Variants in SFXN5 observed in about 807,000 individuals in gnomAD.
SFXN5 encodes sideroflexin 5.
SFXN5 carries 43 observed loss-of-function variants against 50.2 expected under a neutral mutation model. That is an observed-to-expected ratio of 0.86 (90% CI 0.67 to 1.11). The LOEUF is 1.11. SFXN5 is among the 50% of genes least tolerant of loss of function. The pLI, the probability that SFXN5 is intolerant of heterozygous loss-of-function variation, is 0.00. For synonymous variants in SFXN5, 203 were observed against 185.8 expected (o/e 1.09, Z -0.75); for missense variants, 463 against 454.1 (o/e 1.02, Z -0.18).
Position 73,001,388 on chromosome 2 carries a change from T to C in SFXN5, c.411+137A>G, listed in dbSNP as rs989824418. The stretch of plus-strand genomic sequence containing the variant: ...GTCCTGGTTTTCCTTCAGTGGCTTC[T>C]GGGCTAGGGGTGGTGTTGGGGTGGA... On this transcript the variant is annotated intron_variant, in intron 7 of 13. Transcript: ENST00000272433. 8.5e-6 allele frequency: 7 copies of C among 824,610 alleles called. 1 individual carries two copies. The South Asian group carries it at 9.5e-5, about 11-fold the overall frequency. The allele number at this position is 824,610 out of a possible 1,614,324, so 51.1% of individuals were successfully genotyped here. A position where few individuals can be genotyped will look rare whatever the true frequency, so the allele number is the denominator to read the frequency against.
At chr2:73,061,265 G>A (rs1338577823) in intron 1 of SFXN5, among the ~76,000 whole-genome samples, 1 of 147,450 alleles carries the variant, frequency 6.8e-6, no homozygotes, top group Non-Finnish European at 1.5e-5. Context: ...CAGAGATCGC[G>A]CCACTGCACT....
intron 1 of SFXN5, among the ~76,000 whole-genome samples, chr2:73,067,775 C>T (rs1683280787): frequency 6.6e-6 from 1 of 152,182 alleles, no homozygotes; most frequent in African/African-American, 2.4e-5. Context: ...TTACTGACAA[C>T]TGTCTCCAGA....
chr2:72,989,664 G>C (rs1430091075), intron 9 of SFXN5, among the ~76,000 whole-genome samples: 2 of 152,268 alleles, frequency 1.3e-5, no homozygotes, highest in Non-Finnish European at 2.9e-5. Flanking sequence ...GCAAAGGCTG[G>C]GAGTGGGGCT....
intron 11 of SFXN5, among the ~76,000 whole-genome samples, chr2:72,970,075 G>A (rs1336025916): frequency 1.3e-5 from 2 of 152,220 alleles, no homozygotes. Flanking sequence ...GCTGAAGGAA[G>A]CCAGGGGCCA....
intron 13 of SFXN5, chr2:72,957,243 G>A: frequency 2.8e-6 from 1 of 355,512 alleles, no homozygotes; most frequent in South Asian, 2.1e-5. Flanking sequence ...TTAGACTTAA[G>A]GGGCATTAGG....
Position 72,992,034 on chromosome 2 carries a change from G to A in SFXN5, c.535-3686C>T, listed in dbSNP as rs1409423292. 1.3e-5 allele frequency among the ~76,000 whole-genome samples: 2 copies of A among 152,158 alleles called. No individual in the cohort carries two copies. Among genetic ancestry groups the A allele is most frequent in the Admixed American group, 6.5e-5 (1 of 15,274 alleles). On this transcript the variant is annotated intron_variant, in intron 9 of 13. Transcript: ENST00000272433. The surrounding 1 kb of genome is among the most constrained non-coding windows in gnomAD (Gnocchi z 4.5). Reference sequence around the variant, plus strand: ...ATTTTGCACAAGAATTTCTTATATGGCCAGCAGACAGGGCTTCTTGGAAAA... The same window carrying A: ...ATTTTGCACAAGAATTTCTTATATGACCAGCAGACAGGGCTTCTTGGAAAA...
At chr2:73,042,453 A>C (rs1342010268) in intron 2 of SFXN5, 1 of 151,976 alleles carries the variant, frequency 6.6e-6, no homozygotes, top group African/African-American at 2.4e-5. Context: ...TCTCTACTAA[A>C]AATACAAAAA....
intron 11 of SFXN5, among the ~76,000 whole-genome samples, chr2:72,971,027 G>A (rs1359447732): frequency 6.6e-6 from 1 of 152,128 alleles, no homozygotes; most frequent in African/African-American, 2.4e-5. Context: ...TAGAGTGGCT[G>A]AGCCTATGAA....
chr2:73,059,593 T>C lies in SFXN5; in HGVS notation c.103-997A>G, dbSNP rs1468860750. On this transcript the variant is annotated intron_variant, in intron 1 of 13. Coordinates refer to ENST00000272433, the MANE Select transcript of SFXN5 (RefSeq NM_144579.3). ...TCAAAGTCCCCCCACACACCAGTTC[T>C]CATCCCACCTCCATTTCTCTCCCAC... 5 of 985,140 alleles carry C rather than the reference T, an allele frequency of 5.1e-6. No individual in the cohort carries two copies. In the African/African-American group the frequency reaches 8.8e-5, roughly 17 times the overall value. 61.0% of individuals were successfully genotyped at this position (985,140 alleles called of 1,614,324 possible). A position where few individuals can be genotyped will look rare whatever the true frequency, so the allele number is the denominator to read the frequency against.
At chr2:73,040,330 T>C (rs566403795) in intron 3 of SFXN5, among the ~76,000 whole-genome samples, 42 of 152,162 alleles carry the variant, frequency 2.8e-4, no homozygotes, top group African/African-American at 9.9e-4. Context: ...TATCTCTAAT[T>C]TGAGTTCCTA....
At chr2:72,971,906 G>GT (rs1408863155) in intron 10 of SFXN5, among the ~76,000 whole-genome samples, 1 of 152,160 alleles carries the variant, frequency 6.6e-6, no homozygotes, top group Non-Finnish European at 1.5e-5. Flanking sequence ...AAAAGAACAG[G>GT]TATCAGGGAG....
chr2:72,966,806 G>A (rs1674470245), intron 12 of SFXN5, among the ~76,000 whole-genome samples: 1 of 152,216 alleles, frequency 6.6e-6, no homozygotes, highest in South Asian at 2.1e-4. Context: ...CAGGCCCACA[G>A]TGCTTCCTCT....
chr2:72,999,049 G>T (rs754405386), intron 8 of SFXN5, 35 bp from the exon 9 acceptor site: 1 of 1,610,434 alleles, frequency 6.2e-7, no homozygotes, highest in Non-Finnish European at 8.5e-7. Context: ...GGCCTGCTGG[G>T]TGCCCAAAGC....
intron 10 of SFXN5, among the ~76,000 whole-genome samples, chr2:72,979,906 A>G (rs2105510227): frequency 6.6e-6 from 1 of 152,334 alleles, no homozygotes; most frequent in South Asian, 2.1e-4. Context: ...GGAGGGATAT[A>G]TACTAAATGA....
At position 73,026,516 on chromosome 2, in the gene SFXN5, GA is replaced by G. The variant is rs1230853508; in HGVS notation, c.250-3303del. 2.0e-5 allele frequency among the ~76,000 whole-genome samples: 3 copies of G among 152,088 alleles called. No homozygotes were observed. In the East Asian group the frequency reaches 5.8e-4, roughly 29 times the overall value. On this transcript the variant is annotated intron_variant, in intron 3 of 13. Transcript: ENST00000272433. Reference sequence around the variant, plus strand: ...CAATAGTGGTTCCATAAGATTACAAGAGAGGTGAAAAATTCCTATGGCCTAG... The same window carrying G: ...CAATAGTGGTTCCATAAGATTACAAGGAGGTGAAAAATTCCTATGGCCTAG...
In SFXN5 at chr2:73,058,552, G is replaced by A. The variant is rs754258881; in HGVS notation, c.147C>T (p.Asp49=). 15 of 1,613,998 alleles carry A rather than the reference G, an allele frequency of 9.3e-6. No homozygotes were observed. In the African/African-American group the frequency reaches 1.6e-4, roughly 17 times the overall value. Residue 49 remains aspartate (D), a synonymous_variant, in exon 2 of 14, where the codon GAC becomes GAT. Transcript: ENST00000272433. The part of the protein sequence containing the change: ...GRFRHFLDII[D]PRTLFVTERR... ...CCTCAGTGACAAAGAGTGTGCGAGG[G>A]TCGATGATATCCAAGAAGTGCCTGA...
At chr2:73,024,225 T>C (rs771269358) in intron 3 of SFXN5, among the ~76,000 whole-genome samples, 2 of 152,132 alleles carry the variant, frequency 1.3e-5, no homozygotes, top group Non-Finnish European at 2.9e-5. Flanking sequence ...GGTTTCACCA[T>C]GTTGGTAAGG....
intron 10 of SFXN5, among the ~76,000 whole-genome samples, chr2:72,978,938 C>T (rs1290199214): frequency 1.3e-5 from 2 of 152,138 alleles, no homozygotes; most frequent in African/African-American, 2.4e-5. Flanking sequence ...TAGAGCAGGA[C>T]TGTATAATAA....
At chr2:73,059,723 A>G in intron 1 of SFXN5, 1 of 980,400 alleles carries the variant, frequency 1.0e-6, no homozygotes. Context: ...TAACAGAAAC[A>G]GCTGCCTCTC....
Sources: gnomAD v4.1 joint callset for allele counts (sites outside exome capture counted in the v4.1 genomes callset) on GRCh38, gnomAD v4.1.1 for gene constraint, Gnocchi (gnomAD v3.1) non-coding constraint, MANE v1.5 for transcripts, NCBI Gene and HGNC (gene_info 2026-07-23, HGNC 2026-07-21) for gene names.